Variants in TBC1D5 observed in about 807,000 individuals in gnomAD.
TBC1D5 encodes the protein TBC1 domain family member 5.
Under a neutral mutation model 100.3 loss-of-function variants are expected in TBC1D5, and 75 were observed. The observed-to-expected ratio is 0.75, with a 90% CI of 0.62 to 0.91. The LOEUF (loss-of-function observed/expected upper bound fraction) is 0.91, where lower values mean the gene tolerates loss of function less well. Among genes scored for constraint, TBC1D5 ranks in the 40% least tolerant of loss-of-function variants. The probability of loss-of-function intolerance (pLI) is 0.00; values close to 1 mark genes in which losing one functional copy is unlikely to be tolerated. For missense variants in TBC1D5, 910 were observed against 942.4 expected (o/e 0.97, Z 0.45); for synonymous variants, 323 against 325.6 (o/e 0.99, Z 0.09).
Position 17,650,612 on chromosome 3 carries a change from T to C in TBC1D5, c.-100-26699A>G, listed in dbSNP as rs1003627784. Among the ~76,000 whole-genome samples the C allele has an allele frequency of 3.4e-4, 51 of 152,202 alleles. 2 individuals carry two copies. The highest frequency in any genetic ancestry group is 2.9e-5 in the Non-Finnish European group (2 of 68,032). Reference sequence around the variant, plus strand: ...TAAAGACAAAAAAAAAGTCATACTTTTGAATTTGGTACGATTCTCCCAAGG... The same window carrying C: ...TAAAGACAAAAAAAAAGTCATACTTCTGAATTTGGTACGATTCTCCCAAGG... On this transcript the variant is annotated intron_variant, in intron 1 of 21. Coordinates refer to ENST00000253692, the Ensembl canonical transcript of TBC1D5.
chr3:17,662,741 A>C (rs1054253929), intron 1 of TBC1D5, among the ~76,000 whole-genome samples: 1 of 152,202 alleles, frequency 6.6e-6, no homozygotes, highest in Non-Finnish European at 1.5e-5. Flanking sequence ...TCCACTGGAC[A>C]AGTGTTTCTC....
At chr3:17,370,955 C>T (rs1458182551) in intron 13 of TBC1D5, among the ~76,000 whole-genome samples, 1 of 152,032 alleles carries the variant, frequency 6.6e-6, no homozygotes, top group Non-Finnish European at 1.5e-5. Flanking sequence ...TATAAATGTT[C>T]TACTATTTCA....
chr3:17,709,021 C>T (rs1299960938), intron 1 of TBC1D5, among the ~76,000 whole-genome samples: 1 of 152,026 alleles, frequency 6.6e-6, no homozygotes, highest in African/African-American at 2.4e-5. Flanking sequence ...TCTTCTTTGC[C>T]TTTGTTCTGT....
intron 17 of TBC1D5, among the ~76,000 whole-genome samples, chr3:17,230,563 C>G (rs775706010): frequency 5.9e-5 from 9 of 152,002 alleles, no homozygotes; most frequent in Admixed American, 6.6e-5. Context: ...TTAAGAATAT[C>G]AACAGTGGTT....
At chr3:17,177,425 T>C (rs750215626) in intron 19 of TBC1D5, among the ~76,000 whole-genome samples, 1 of 152,218 alleles carries the variant, frequency 6.6e-6, no homozygotes, top group Non-Finnish European at 1.5e-5. Context: ...AAAGAACTTC[T>C]GAATTTCAGA....
At chr3:17,408,268 AAC>A (rs3041146) in intron 4 of TBC1D5, among the ~76,000 whole-genome samples, 20,221 of 143,652 alleles carry the variant, frequency 0.14, 1,445 homozygotes, top group East Asian at 0.34. Context: ...AAGACTATCC[AAC>A]ACACACACAC....
At chr3:17,384,001 T>C in exon 9 of TBC1D5, 1 of 1,596,808 alleles carries the variant, frequency 6.3e-7, no homozygotes, top group Non-Finnish European at 8.6e-7. Context: ...CTGGAAAAAC[T>C]GCATTTCAGG....
chr3:17,338,732 C>T (rs989218861), intron 13 of TBC1D5, among the ~76,000 whole-genome samples: 2 of 152,096 alleles, frequency 1.3e-5, no homozygotes, highest in Non-Finnish European at 2.9e-5. Flanking sequence ...TATGTAGTAC[C>T]AGCCTGAAAC....
intron 2 of TBC1D5, among the ~76,000 whole-genome samples, chr3:17,608,277 G>A (rs1164634318): frequency 6.6e-6 from 1 of 151,936 alleles, no homozygotes; most frequent in Non-Finnish European, 1.5e-5. Context: ...ACAAAAAAGA[G>A]TAAGACACAG....
rs113428055 is a variant in TBC1D5 at position 17,298,475 on chromosome 3, C to T, written c.1139-6474G>A. Among the ~76,000 whole-genome samples, 832 of 152,090 alleles carry T rather than the reference C, an allele frequency of 5.5e-3. 3 individuals carry two copies. The highest frequency in any genetic ancestry group is 0.017 in the Middle Eastern group (5 of 294). On this transcript the variant is annotated intron_variant, in intron 14 of 21. Coordinates refer to ENST00000253692, the Ensembl canonical transcript of TBC1D5. ...CTGTGATAATTGCTAAAATGGAAGA[C>T]TTTAGGGTCAGTGAGGTGTCGGCCA... is the stretch of plus-strand genomic sequence containing the variant.
chr3:17,663,429 G>A (rs1047957162), intron 1 of TBC1D5, among the ~76,000 whole-genome samples: 5 of 151,928 alleles, frequency 3.3e-5, no homozygotes, highest in Admixed American at 2.6e-4. Flanking sequence ...AAAACTACCT[G>A]AGTAACAGGT....
chr3:17,375,562 AT>A (rs2092675896), intron 10 of TBC1D5, among the ~76,000 whole-genome samples: 2 of 148,406 alleles, frequency 1.3e-5, no homozygotes, highest in African/African-American at 2.6e-5. Flanking sequence ...AAAACATAAA[AT>A]TTAAAAAAAA....
rs1484163787 is a variant in TBC1D5, at chr3:17,332,124, CTGTAATAGTTCCGAT to C, written c.996-24005_996-23991del. Among the ~76,000 whole-genome samples the C allele has an allele frequency of 4.6e-5, 7 of 152,244 alleles. No homozygotes were observed. The East Asian group carries it at 1.2e-3, about 25-fold the overall frequency. On this transcript the variant is annotated intron_variant, in intron 13 of 21. Transcript: ENST00000253692. Reference sequence around the variant, plus strand: ...AAACAGGAAGACCAGTCGGGGGCATCTGTAATAGTTCCGATAAGAGATAGGCCTACAGAAGAGTGA... The same window carrying C: ...AAACAGGAAGACCAGTCGGGGGCATCAAGAGATAGGCCTACAGAAGAGTGA...
At chr3:17,699,106 C>A (rs1346976817) in intron 1 of TBC1D5, among the ~76,000 whole-genome samples, 1 of 148,352 alleles carries the variant, frequency 6.7e-6, no homozygotes, top group African/African-American at 2.5e-5. Flanking sequence ...ATGTTTATTG[C>A]GGCATTATTC....
At chr3:17,445,673 TG>T (rs2094773885) in intron 3 of TBC1D5, among the ~76,000 whole-genome samples, 1 of 152,234 alleles carries the variant, frequency 6.6e-6, no homozygotes, top group South Asian at 2.1e-4. Context: ...AAAAGGATAT[TG>T]TTATAACTGT....
Position 17,701,177 on chromosome 3 carries a change from C to T in TBC1D5, c.-101+38166G>A, listed in dbSNP as rs527711671. 3.7e-3 allele frequency among the ~76,000 whole-genome samples: 561 copies of T among 152,174 alleles called. 4 individuals carry two copies. Among genetic ancestry groups the T allele is most frequent in the Middle Eastern group, 0.017 (5 of 294 alleles). ...AAAAAGGATGAGTTCATGTCCTTTG[C>T]AGGGACATGGATGAAGCTGGAAACC... On this transcript the variant is annotated intron_variant, in intron 1 of 21. Coordinates refer to ENST00000253692, the Ensembl canonical transcript of TBC1D5.
At chr3:17,740,600 T>A (rs2077347397) in exon 1 of TBC1D5, 2 of 152,308 alleles carry the variant, frequency 1.3e-5, no homozygotes, top group South Asian at 2.1e-4. Flanking sequence ...ACTTTTTAAT[T>A]TACGTGTGAA....
intron 3 of TBC1D5, among the ~76,000 whole-genome samples, chr3:17,475,336 A>T (rs1157175803): frequency 2.6e-5 from 4 of 152,038 alleles, no homozygotes; most frequent in African/African-American, 4.8e-5. Flanking sequence ...GTCACCATAC[A>T]AGGCAAACAA....
At chr3:17,621,728 AT>A (rs1424431607) in intron 2 of TBC1D5, among the ~76,000 whole-genome samples, 1 of 151,326 alleles carries the variant, frequency 6.6e-6, no homozygotes, top group African/African-American at 2.4e-5. Context: ...TTTTAAACAA[AT>A]CCACAAGGAA....
Sources: allele counts gnomAD v4.1 joint callset (sites outside exome capture counted in the v4.1 genomes callset), GRCh38; gene constraint gnomAD v4.1.1; transcripts MANE v1.5; gene names NCBI Gene and HGNC (gene_info 2026-07-23, HGNC 2026-07-21).